The following SEC16B variants were observed in gnomAD, a reference collection of about 807,000 sequenced individuals.
SEC16B encodes SEC16 homolog B, endoplasmic reticulum export factor.
Under a neutral mutation model 141.8 loss-of-function variants are expected in SEC16B, and 115 were observed. The observed-to-expected ratio is 0.81, with a 90% CI of 0.70 to 0.95. SEC16B has a LOEUF of 0.95. Ranked by LOEUF, SEC16B falls within the 40% of genes least tolerant of loss-of-function variation. The pLI, the probability that SEC16B is intolerant of heterozygous loss-of-function variation, is 0.00. For missense variants in SEC16B, 1,291 were observed against 1,312.3 expected, an observed-to-expected ratio of 0.98 and a Z score of 0.25; for synonymous variants, 493 against 492.5, an observed-to-expected ratio of 1.00 and a Z score of -0.01.
At chr1:177,935,137 T>G (rs1172044846) in intron 20 of SEC16B, among the ~76,000 whole-genome samples, 1 of 152,120 alleles carries the variant, frequency 6.6e-6, no homozygotes, top group Non-Finnish European at 1.5e-5. Flanking sequence ...GATCTCCACT[T>G]GAAGGCCTCC....
Position 177,958,301 on chromosome 1 carries a change from T to A in SEC16B, c.1196A>T (p.Tyr399Phe). Reference protein sequence around the residue: ...LMQDCKKLEKYKRQPPVANLI... With the variant: ...LMQDCKKLEKFKRQPPVANLI... Reference sequence around the variant, plus strand: ...GTTGGCCACAGGGGGCTGCCGCTTGTACTTCTCCAGCTTCTTGCAGTCTTG... The same window carrying A: ...GTTGGCCACAGGGGGCTGCCGCTTGAACTTCTCCAGCTTCTTGCAGTCTTG... The change falls in exon 10 of 26, where the codon TAC (tyrosine) becomes TTC (phenylalanine). Residue 399 changes from tyrosine (Y) to phenylalanine (F), a missense_variant. Coordinates refer to ENST00000308284, the MANE Select transcript of SEC16B (RefSeq NM_033127.4). 1 of 1,610,144 alleles carries A rather than the reference T, an allele frequency of 6.2e-7. No individual in the cohort carries two copies. Among genetic ancestry groups the A allele is most frequent in the Non-Finnish European group, 8.5e-7 (1 of 1,178,188 alleles).
chr1:177,938,895 G>A (rs944345153), intron 18 of SEC16B, among the ~76,000 whole-genome samples: 4 of 152,152 alleles, frequency 2.6e-5, no homozygotes, highest in African/African-American at 9.7e-5. Context: ...ACTAAGGTGT[G>A]GACCTATAAC....
At chr1:177,935,773 C>T (rs1650790579) in intron 20 of SEC16B, among the ~76,000 whole-genome samples, 1 of 152,078 alleles carries the variant, frequency 6.6e-6, no homozygotes, top group Non-Finnish European at 1.5e-5. Context: ...CTGAAGAACG[C>T]CTCAGGTTTG....
chr1:177,942,171 G>A (rs1571316168), intron 15 of SEC16B, 131 bp from the exon 16 acceptor site: 2 of 995,874 alleles, frequency 2.0e-6, no homozygotes, highest in Admixed American at 2.9e-5. Context: ...CAAGAGGCTT[G>A]TGCCATTTGG....
chr1:177,951,937 C>A lies in SEC16B; in HGVS notation c.1522G>T (p.Gly508Trp), dbSNP rs1208783041. 1 of 1,606,322 alleles carries A rather than the reference C, an allele frequency of 6.2e-7. No homozygotes were observed. ...ACCGTGGCTGCCTGTGGAATCCTCCCCGACATGAGCTGGAAGAGGGTCTGC... is the reference window on the plus strand; with the variant it reads ...ACCGTGGCTGCCTGTGGAATCCTCCACGACATGAGCTGGAAGAGGGTCTGC... ...PLQTLFQLMS[G>W]RIPQAATCCG... The change falls in exon 12 of 26, where the codon GGG becomes TGG. Residue 508 changes from glycine (G) to tryptophan (W), a missense_variant. Transcript: ENST00000308284.
chr1:177,983,072 T>C (rs535308765), intron 1 of SEC16B, among the ~76,000 whole-genome samples: 1 of 152,278 alleles, frequency 6.6e-6, no homozygotes, highest in South Asian at 2.1e-4. Context: ...GTGAGATCCA[T>C]TTCAGAAATA....
chr1:177,960,613 G>A (rs1247624557), intron 7 of SEC16B, 178 bp downstream of exon 7: 5 of 716,484 alleles, frequency 7.0e-6, no homozygotes, highest in Admixed American at 2.9e-5. Context: ...TTCTTTCAGA[G>A]AAGAGCCCCA....
chr1:177,975,255 A>G (rs1654126656), intron 1 of SEC16B, among the ~76,000 whole-genome samples: 1 of 152,232 alleles, frequency 6.6e-6, no homozygotes, highest in Non-Finnish European at 1.5e-5. Context: ...GTTCCATGCA[A>G]TATTCGCAGT....
At chr1:177,977,978 A>G (rs559464155) in intron 1 of SEC16B, among the ~76,000 whole-genome samples, 57 of 152,226 alleles carry the variant, frequency 3.7e-4, no homozygotes, top group Non-Finnish European at 7.6e-4. Context: ...CCTATTAATT[A>G]CAGGAGTGGG....
intron 12 of SEC16B, chr1:177,948,741 C>CT: frequency 8.5e-7 from 1 of 1,181,550 alleles, no homozygotes; most frequent in South Asian, 1.6e-5. Flanking sequence ...ATCTTACTAG[C>CT]TTACCTACCT....
At position 177,958,921 on chromosome 1, in the gene SEC16B, C is replaced by T. The variant is rs781178697; in HGVS notation, c.1053G>A (p.Gln351=). The change falls in exon 9 of 26, where the codon CAG becomes CAA. Residue 351 remains glutamine (Q), a synonymous_variant. Coordinates refer to ENST00000308284, the MANE Select transcript of SEC16B (RefSeq NM_033127.4). ...IMTFCQQKAA[Q]SCKSETLGSR... is the part of the protein sequence containing the mutation. ...TCCCCAGTGTCTCAGATTTGCAGCTCTGAGCTGCTTTCTGCTGGCAAAACG... is the reference window on the plus strand; with the variant it reads ...TCCCCAGTGTCTCAGATTTGCAGCTTTGAGCTGCTTTCTGCTGGCAAAACG... 6.2e-7 allele frequency: 1 copy of T among 1,613,806 alleles called. No homozygotes were observed. Among genetic ancestry groups the T allele is most frequent in the Non-Finnish European group, 8.5e-7 (1 of 1,179,798 alleles).
Position 177,960,907 on chromosome 1 carries a change from T to A in SEC16B, c.820A>T (p.Lys274Ter), listed in dbSNP as rs1473742429. The change falls in exon 7 of 26, where the codon AAG (lysine) becomes TAG (stop). Residue 274 changes from lysine (K) to a stop codon, truncating the protein, a stop_gained. Transcript: ENST00000308284. LOFTEE classifies it high-confidence loss of function. ...ACAGGAACATGAGGGATGTAGAACT[T>A]CATGGGTGCTTTGGGACCAGCTGAG... ...VSSAGPKAPM[K>*]FYIPHVPVSF... The A allele has an allele frequency of 1.2e-6, 2 of 1,613,978 alleles. No individual in the cohort carries two copies. The highest frequency in any genetic ancestry group is 1.7e-6 in the Non-Finnish European group (2 of 1,179,864).
At chr1:177,964,953 A>G (rs1653393215) in intron 4 of SEC16B, 94 bp downstream of exon 4, 7 of 1,421,110 alleles carry the variant, frequency 4.9e-6, no homozygotes, top group South Asian at 1.2e-5. Flanking sequence ...GGGCTTCTGG[A>G]GGTGAGATGG....
intron 20 of SEC16B, among the ~76,000 whole-genome samples, chr1:177,934,756 T>C (rs767718588): frequency 3.9e-5 from 6 of 152,000 alleles, no homozygotes; most frequent in Non-Finnish European, 5.9e-5. Flanking sequence ...ATTCAAGACA[T>C]AGACAAGGGC....
chr1:177,929,953 C>T (rs1436295415), intron 25 of SEC16B, 24 bp from the exon 26 acceptor site: 3 of 1,611,170 alleles, frequency 1.9e-6, no homozygotes, highest in Non-Finnish European at 2.5e-6. Context: ...ACAAATATTA[C>T]ACTGAGTACA....
chr1:177,964,713 C>A (rs1167265872), intron 4 of SEC16B, among the ~76,000 whole-genome samples: 1 of 152,232 alleles, frequency 6.6e-6, no homozygotes, highest in African/African-American at 2.4e-5. Context: ...GGTAAGTTCT[C>A]ATGACCTAAT....
At chr1:177,933,147 G>T in intron 22 of SEC16B, 67 bp downstream of exon 22, 1 of 1,305,944 alleles carries the variant, frequency 7.7e-7, no homozygotes. Flanking sequence ...AGAGCTCCTA[G>T]GTGCTGAGGC....
intron 10 of SEC16B, 117 bp from the exon 11 acceptor site, chr1:177,954,493 G>T (rs1652446426): frequency 1.3e-6 from 1 of 741,794 alleles, no homozygotes; most frequent in Non-Finnish European, 2.3e-6. Flanking sequence ...AAAACTCTTA[G>T]AGCCTCATAT....
At chr1:177,983,733 T>C (rs1260440863) in intron 1 of SEC16B, among the ~76,000 whole-genome samples, 8 of 152,146 alleles carry the variant, frequency 5.3e-5, no homozygotes, top group African/African-American at 1.4e-4. Flanking sequence ...AGCAAAAGTT[T>C]CCACACTGCC....
Sources: gnomAD v4.1 joint callset for allele counts (sites outside exome capture counted in the v4.1 genomes callset) on GRCh38, gnomAD v4.1.1 for gene constraint, MANE v1.5 for transcripts, NCBI Gene and HGNC (gene_info 2026-07-23, HGNC 2026-07-21) for gene names.